NPEPL1: variants seen among roughly 807,000 people sequenced by gnomAD.
The protein encoded by NPEPL1 is aminopeptidase like 1.
In NPEPL1, 45 loss-of-function variants were observed where a neutral mutation model predicts 52.4. The ratio of observed to expected loss-of-function variants is 0.86; its 90% CI spans 0.68 to 1.10. The LOEUF (loss-of-function observed/expected upper bound fraction) is 1.10. NPEPL1 is among the 50% of genes least tolerant of loss of function. The pLI is 0.00. For synonymous variants in NPEPL1, 360 were observed against 314.7 expected (o/e 1.14, Z -1.52); for missense variants, 696 against 710.9 (o/e 0.98, Z 0.24).
intron 2 of NPEPL1, among the ~76,000 whole-genome samples, 151 bp downstream of exon 2, chr20:58,694,073 C>T (rs1040505746): frequency 2.6e-5 from 4 of 152,194 alleles, no homozygotes; most frequent in Non-Finnish European, 1.5e-5. Flanking sequence ...GGAAACAGGT[C>T]CAGAGAGACG....
chr20:58,692,643 A>T, upstream of NPEPL1: 1 of 217,716 alleles, frequency 4.6e-6, no homozygotes. This position sits in a 1 kb window ranked among gnomAD's most constrained non-coding sequence, Gnocchi z 5.7. Flanking sequence ...CCTACTCGGC[A>T]GGGCCTGCTC....
chr20:58,692,961 C>G lies in NPEPL1; in HGVS notation c.61C>G (p.Pro21Ala). 1 of 1,190,608 alleles carries G rather than the reference C, an allele frequency of 8.4e-7. No homozygotes were observed. The allele number at this position is 1,190,608 out of a possible 1,614,324, so 73.8% of individuals were successfully genotyped here. A position where few individuals can be genotyped will look rare whatever the true frequency, so the allele number is the denominator to read the frequency against. ...SAGDSDPQSRPLLLLGQLHHL... is the reference protein window; with the variant it reads ...SAGDSDPQSRALLLLGQLHHL... Reference sequence around the variant, plus strand: ...GGGGGACTCGGACCCACAGAGCCGGCCCCTGCTGCTGCTCGGGCAGCTGCA... The same window carrying G: ...GGGGGACTCGGACCCACAGAGCCGGGCCCTGCTGCTGCTCGGGCAGCTGCA... Residue 21 changes from proline (P) to alanine (A), a missense_variant, in exon 1 of 12, where the codon CCC becomes GCC. Pro to Ala is a conservative substitution (Grantham distance 27). Coordinates refer to ENST00000356091, the MANE Select transcript of NPEPL1 (RefSeq NM_024663.4). This position sits in a 1 kb window ranked among gnomAD's most constrained non-coding sequence, Gnocchi z 5.7.
chr20:58,714,577 C>T lies in NPEPL1; in HGVS notation c.1320C>T (p.Pro440=), dbSNP rs747952728. ...KNSVADRDNS[P]SSCAGLFIAS... Reference sequence around the variant, plus strand: ...CTCCCTAGGACCGAGACAACAGCCCCAGCTCCTGTGCTGGCCTCTTCATCG... The same window carrying T: ...CTCCCTAGGACCGAGACAACAGCCCTAGCTCCTGTGCTGGCCTCTTCATCG... Residue 440 remains proline, a synonymous_variant, in exon 11 of 12, where the codon CCC becomes CCT. Coordinates refer to ENST00000356091, the MANE Select transcript of NPEPL1 (RefSeq NM_024663.4). The T allele has an allele frequency of 4.2e-5, 67 of 1,587,378 alleles. No individual in the cohort carries two copies. The highest frequency in any genetic ancestry group is 5.2e-5 in the Non-Finnish European group (61 of 1,169,548).
In NPEPL1 at chr20:58,715,129, C is replaced by A. The variant is rs369021460; in HGVS notation, c.1414-39C>A. Reference sequence around the variant, plus strand: ...CCCAGGAACCCCTCCTGTGCTGCAGCCCCACGCCCAGAGTCTGTGTCCTGC... The same window carrying A: ...CCCAGGAACCCCTCCTGTGCTGCAGACCCACGCCCAGAGTCTGTGTCCTGC... On this transcript the variant is annotated intron_variant, in intron 11 of 11. Coordinates refer to ENST00000356091, the MANE Select transcript of NPEPL1 (RefSeq NM_024663.4). The A allele has an allele frequency of 1.1e-4, 177 of 1,566,002 alleles. No homozygotes were observed. The African/African-American group carries it at 2.2e-3, about 20-fold the overall frequency.
intron 6 of NPEPL1, among the ~76,000 whole-genome samples, chr20:58,703,104 G>A (rs1008282491): frequency 1.3e-5 from 2 of 152,192 alleles, no homozygotes; most frequent in East Asian, 3.9e-4. Context: ...GGCCCCGACT[G>A]TGCCCAGAGC....
upstream of NPEPL1, chr20:58,691,089 A>T: frequency 1.4e-6 from 1 of 702,994 alleles, no homozygotes; most frequent in East Asian, 2.7e-5. Context: ...TGGAAGTCCT[A>T]TTACATCTGT....
chr20:58,707,103 T>A lies in NPEPL1; in HGVS notation c.823-20T>A. ...ACCTCACAGCTCACCTTTGTCCTGG[T>A]CCCTTTGTACCACCCGCAGACTACC... is the stretch of plus-strand genomic sequence containing the variant. On this transcript the variant is annotated intron_variant, in intron 6 of 11. Coordinates refer to ENST00000356091, the MANE Select transcript of NPEPL1 (RefSeq NM_024663.4). 2.6e-6 allele frequency: 4 copies of A among 1,550,312 alleles called. No homozygotes were observed. Among genetic ancestry groups the A allele is most frequent in the Non-Finnish European group, 3.5e-6 (4 of 1,146,702 alleles).
intron 7 of NPEPL1, chr20:58,711,703 C>G (rs2084847353): frequency 6.5e-6 from 1 of 152,776 alleles, no homozygotes; most frequent in South Asian, 2.1e-4. Context: ...GCTGGCTGCC[C>G]CTGCCCCACC....
chr20:58,701,287 C>T, intron 6 of NPEPL1, 129 bp downstream of exon 6: 1 of 135,642 alleles, frequency 7.4e-6, no homozygotes, highest in South Asian at 1.8e-4. Flanking sequence ...GAGGTGTGGG[C>T]CCGGCTCTCC....
chr20:58,691,607 T>C (rs1365967277), upstream of NPEPL1: 1 of 635,594 alleles, frequency 1.6e-6, no homozygotes, highest in East Asian at 2.7e-5. Context: ...GTTAGGGAGC[T>C]AGGGGGCCAG....
At position 58,701,494 on chromosome 20, in the gene NPEPL1, G is replaced by A. The variant is rs372381207; in HGVS notation, c.822+336G>A. ...TGGGTTCGGGGAGAGTGCGCAGGGC[G>A]GGTTCCCATGTGCTGAGGCGACAGC... On this transcript the variant is annotated intron_variant, in intron 6 of 11. Transcript: ENST00000356091. Among the ~76,000 whole-genome samples the A allele has an allele frequency of 3.4e-3, 518 of 152,078 alleles. 6 individuals carry two copies. Among genetic ancestry groups the A allele is most frequent in the South Asian group, 0.02 (94 of 4,816 alleles).
At chr20:58,694,361 C>T in intron 2 of NPEPL1, 61 bp from the exon 3 acceptor site, 1 of 1,507,826 alleles carries the variant, frequency 6.6e-7, no homozygotes, top group Non-Finnish European at 8.9e-7. Flanking sequence ...CAAAGAGCAG[C>T]TCCCTGCACT....
upstream of NPEPL1, chr20:58,691,295 C>T (rs2084338055): frequency 3.2e-6 from 2 of 626,218 alleles, no homozygotes; most frequent in Admixed American, 5.2e-5. Context: ...AAATAAGATC[C>T]AATTAGCGTT....
intron 10 of NPEPL1, 56 bp downstream of exon 10, chr20:58,714,149 G>A (rs1288311762): frequency 7.3e-6 from 11 of 1,501,864 alleles, no homozygotes; most frequent in East Asian, 2.6e-5. Context: ...CGGGCAGGCG[G>A]AGCCCTGCCT....
At chr20:58,707,068 C>T in intron 6 of NPEPL1, 55 bp from the exon 7 acceptor site, 1 of 1,520,384 alleles carries the variant, frequency 6.6e-7, no homozygotes, top group Non-Finnish European at 8.9e-7. Flanking sequence ...GCTTCCGCTG[C>T]CAGGCCTGGA....
rs201559160 is a variant in NPEPL1, at chr20:58,715,351, C to T, written c.*25C>T. On this transcript the variant is annotated 3_prime_UTR_variant, in exon 12 of 12. Coordinates refer to ENST00000356091, the MANE Select transcript of NPEPL1 (RefSeq NM_024663.4). The stretch of plus-strand genomic sequence containing the variant: ...AGCCTCCTGCCTCGGCCCTGACAAA[C>T]GGGGATCTTTTACCTCACTTTGCAC... 1.5e-4 allele frequency: 241 copies of T among 1,579,888 alleles called. No homozygotes were observed. The highest frequency in any genetic ancestry group is 5.6e-5 in the Admixed American group (3 of 53,948).
chr20:58,714,713 G>C (rs1160648366), intron 11 of NPEPL1, 43 bp downstream of exon 11: 1 of 1,466,320 alleles, frequency 6.8e-7, no homozygotes, highest in Non-Finnish European at 9.3e-7. Context: ...GCTCCCGCCC[G>C]CTTGTCCAAA....
rs375865706 is a variant in NPEPL1, at chr20:58,694,497, T to C, written c.412T>C (p.Ser138Pro). The C allele has an allele frequency of 6.2e-7, 1 of 1,613,988 alleles. No homozygotes were observed. Among genetic ancestry groups the C allele is most frequent in the Non-Finnish European group, 8.5e-7 (1 of 1,179,868 alleles). The part of the protein sequence containing the change: ...ARAFPLFTHR[S>P]GASRRLEKKT... ...GGCCTTCCCGCTGTTCACCCACCGC[T>C]CAGGTGCCTCTCGGCGCTTGGAGAA... The change falls in exon 3 of 12, where the codon TCA (serine) becomes CCA (proline). Residue 138 changes from serine to proline, a missense_variant. Coordinates refer to ENST00000356091, the MANE Select transcript of NPEPL1 (RefSeq NM_024663.4).
upstream of NPEPL1, chr20:58,691,134 GATC>G: frequency 1.4e-6 from 1 of 703,232 alleles, no homozygotes; most frequent in East Asian, 2.7e-5. Context: ...CCTCTAGGAA[GATC>G]CTCCAGCTGT....
Sources: gnomAD v4.1 joint callset for allele counts (sites outside exome capture counted in the v4.1 genomes callset) on GRCh38, gnomAD v4.1.1 for gene constraint, Gnocchi (gnomAD v3.1) non-coding constraint, MANE v1.5 for transcripts, NCBI Gene and HGNC (gene_info 2026-07-23, HGNC 2026-07-21) for gene names.